Variants in CSMD1 observed in about 807,000 individuals in gnomAD.
The protein encoded by CSMD1 is CUB and sushi domain-containing protein 1.
CSMD1 carries 213 observed loss-of-function variants against 417.5 expected under a neutral mutation model. The ratio of observed to expected loss-of-function variants is 0.51; its 90% CI spans 0.46 to 0.57. CSMD1 has a LOEUF of 0.57. Ranked by LOEUF, CSMD1 falls within the 20% of genes least tolerant of loss-of-function variation. The pLI is 0.00. For missense variants in CSMD1, 6,923 were observed against 4,529.7 expected (o/e 1.53, Z -15.17); for synonymous variants, 2,862 against 1,736.8 (o/e 1.65, Z -16.11).
intron 25 of CSMD1, among the ~76,000 whole-genome samples, chr8:3,299,876 A>C (rs1254679788): frequency 6.6e-6 from 1 of 152,224 alleles, no homozygotes; most frequent in East Asian, 1.9e-4. Flanking sequence ...AGAGACGCCC[A>C]ATTTCTATGT....
chr8:3,755,547 G>T (rs192070245), intron 5 of CSMD1, among the ~76,000 whole-genome samples: 1 of 152,124 alleles, frequency 6.6e-6, no homozygotes, highest in Admixed American at 6.5e-5. Flanking sequence ...TGTGAGCGCC[G>T]CAGCTGCTTG....
intron 12 of CSMD1, among the ~76,000 whole-genome samples, chr8:3,423,676 T>C (rs932173760): frequency 3.3e-5 from 5 of 152,348 alleles, no homozygotes; most frequent in African/African-American, 1.2e-4. Flanking sequence ...GGGGCTATTA[T>C]GAAGAAAGTC....
intron 30 of CSMD1, among the ~76,000 whole-genome samples, chr8:3,207,636 T>G (rs1394509676): frequency 6.6e-6 from 1 of 152,110 alleles, no homozygotes; most frequent in Non-Finnish European, 1.5e-5. Flanking sequence ...ATTTCCTGAA[T>G]CCCTGCATTA....
At chr8:3,354,103 T>C (rs903219510) in intron 21 of CSMD1, among the ~76,000 whole-genome samples, 1 of 152,226 alleles carries the variant, frequency 6.6e-6, no homozygotes, top group South Asian at 2.1e-4. Flanking sequence ...GGCAAGGTCA[T>C]TTTATTGGGG....
intron 10 of CSMD1, among the ~76,000 whole-genome samples, chr8:3,547,615 C>T (rs886825576): frequency 6.6e-6 from 1 of 152,040 alleles, no homozygotes; most frequent in Non-Finnish European, 1.5e-5. Context: ...ATTAAGTTTA[C>T]TATTTTGTAT....
At chr8:3,033,970 C>T (rs558463582) in intron 50 of CSMD1, among the ~76,000 whole-genome samples, 72 of 152,202 alleles carry the variant, frequency 4.7e-4, no homozygotes, top group African/African-American at 1.6e-3. Flanking sequence ...ATCGCGGGCC[C>T]CAGACTAGTC....
intron 2 of CSMD1, among the ~76,000 whole-genome samples, chr8:4,488,712 G>A (rs1205118468): frequency 6.6e-6 from 1 of 151,912 alleles, no homozygotes; most frequent in Admixed American, 6.6e-5. Flanking sequence ...TGGATATGTG[G>A]CATCTGTCAG....
At position 4,144,273 on chromosome 8, in the gene CSMD1, T is replaced by G. The variant is rs902181030; in HGVS notation, c.416-112174A>C. ...CCCTGCCTCAAGACCTTATTCTGCC[T>G]CACACTCACCCCACTTAAACAGGAT... On this transcript the variant is annotated intron_variant, in intron 3 of 69. Coordinates refer to ENST00000635120, the MANE Select transcript of CSMD1 (RefSeq NM_033225.6). Among the ~76,000 whole-genome samples, 2 of 151,012 alleles carry G rather than the reference T, an allele frequency of 1.3e-5. 1 individual carries two copies. Among genetic ancestry groups the G allele is most frequent in the African/African-American group, 5.0e-5 (2 of 40,340 alleles).
chr8:3,307,220 T>C (rs1053104191), intron 25 of CSMD1, among the ~76,000 whole-genome samples: 3 of 152,014 alleles, frequency 2.0e-5, no homozygotes, highest in Admixed American at 6.6e-5. Flanking sequence ...GTTGGAAATT[T>C]GTTCATCCCT....
intron 4 of CSMD1, among the ~76,000 whole-genome samples, chr8:3,998,658 G>A (rs1207680229): frequency 1.3e-5 from 2 of 152,092 alleles, no homozygotes; most frequent in South Asian, 4.1e-4. Flanking sequence ...GTAGAAAACA[G>A]TTACATGAAA....
chr8:4,260,614 T>C (rs1388593985), intron 3 of CSMD1, among the ~76,000 whole-genome samples: 1 of 152,204 alleles, frequency 6.6e-6, no homozygotes, highest in East Asian at 1.9e-4. Context: ...TTGTGGTTTT[T>C]AGAATTTTGA....
intron 1 of CSMD1, among the ~76,000 whole-genome samples, chr8:4,989,289 A>T (rs1811344696): frequency 6.6e-6 from 1 of 152,142 alleles, no homozygotes; most frequent in Non-Finnish European, 1.5e-5. Context: ...AAGAAAAAAA[A>T]AAATCTGCCC....
At chr8:3,687,618 G>A (rs142848170) in intron 7 of CSMD1, among the ~76,000 whole-genome samples, 1 of 152,114 alleles carries the variant, frequency 6.6e-6, no homozygotes, top group African/African-American at 2.4e-5. Context: ...ATTTCAGTGG[G>A]TTCCGAGCAC....
chr8:3,938,499 G>T (rs966203624), intron 5 of CSMD1, among the ~76,000 whole-genome samples: 1 of 152,102 alleles, frequency 6.6e-6, no homozygotes, highest in Non-Finnish European at 1.5e-5. Flanking sequence ...TGGGGAGAAG[G>T]TTTCCTCGGC....
At chr8:3,522,402 C>T (rs962402429) in intron 10 of CSMD1, among the ~76,000 whole-genome samples, 83 of 152,204 alleles carry the variant, frequency 5.5e-4, no homozygotes, top group African/African-American at 2.0e-3. Flanking sequence ...GTTTCCATTT[C>T]GTGTGGGGGT....
chr8:4,332,068 C>T (rs1333880746), intron 3 of CSMD1, among the ~76,000 whole-genome samples: 1 of 152,092 alleles, frequency 6.6e-6, no homozygotes, highest in Non-Finnish European at 1.5e-5. Flanking sequence ...ATCAGTTTGG[C>T]TCCACTGAAT....
intron 3 of CSMD1, among the ~76,000 whole-genome samples, chr8:4,113,023 T>A (rs1801939185): frequency 6.6e-6 from 1 of 152,138 alleles, no homozygotes; most frequent in Non-Finnish European, 1.5e-5. Context: ...TGGTCAATGA[T>A]CCTTGATGGT....
chr8:3,338,404 C>G (rs1016098345), intron 23 of CSMD1, among the ~76,000 whole-genome samples: 1 of 152,166 alleles, frequency 6.6e-6, no homozygotes, highest in Non-Finnish European at 1.5e-5. Flanking sequence ...TTGTGTAAAT[C>G]AAAACACAGC....
At chr8:4,151,821 T>A (rs1282775994) in intron 3 of CSMD1, among the ~76,000 whole-genome samples, 5 of 152,192 alleles carry the variant, frequency 3.3e-5, no homozygotes, top group East Asian at 1.9e-4. Context: ...CGAAGTTTTT[T>A]TATATATATA....
Sources: allele counts gnomAD v4.1 joint callset (sites outside exome capture counted in the v4.1 genomes callset), GRCh38; gene constraint gnomAD v4.1.1; transcripts MANE v1.5; gene names NCBI Gene and HGNC (gene_info 2026-07-23, HGNC 2026-07-21).